The following ENTREP2 variants were observed in gnomAD, a reference collection of about 807,000 sequenced individuals.
ENTREP2 encodes protein ENTREP2.
At chr15:29,637,749 C>T in the ENTREP2 span, among the ~76,000 whole-genome samples, 1 of 152,108 alleles carries the variant, frequency 6.6e-6, no homozygotes, top group Non-Finnish European at 1.5e-5. Context: ...ATTACGGGAA[C>T]GAGACCTTGC....
chr15:29,493,191 T>C, the ENTREP2 span, among the ~76,000 whole-genome samples: 1 of 107,880 alleles, frequency 9.3e-6, no homozygotes, highest in Non-Finnish European at 1.8e-5. Flanking sequence ...TGGAGTGCAG[T>C]GGCGGGATCT....
chr15:29,121,779 C>G, the ENTREP2 span: 1 of 152,216 alleles, frequency 6.6e-6, no homozygotes, highest in African/African-American at 2.4e-5. Flanking sequence ...CCTTTTCAGC[C>G]GACCACAGCT....
the ENTREP2 span, among the ~76,000 whole-genome samples, chr15:29,412,085 T>TA: frequency 2.0e-5 from 3 of 152,174 alleles, no homozygotes; most frequent in Non-Finnish European, 4.4e-5. Context: ...AATTAGGTTG[T>TA]TAAGTCTTAC....
At chr15:29,574,681 C>T in the ENTREP2 span, among the ~76,000 whole-genome samples, 1 of 152,176 alleles carries the variant, frequency 6.6e-6, no homozygotes, top group Admixed American at 6.5e-5. Flanking sequence ...CATGGGGAGA[C>T]AAGGAACACT....
At chr15:29,641,474 ACAAGATCAATAT>A in the ENTREP2 span, among the ~76,000 whole-genome samples, 2 of 152,248 alleles carry the variant, frequency 1.3e-5, no homozygotes, top group Non-Finnish European at 2.9e-5. Context: ...GTTTCAGGAT[ACAAGATCAATAT>A]CAAAAAATCA....
At chr15:29,273,319 C>T in the ENTREP2 span, among the ~76,000 whole-genome samples, 2 of 151,746 alleles carry the variant, frequency 1.3e-5, no homozygotes, top group African/African-American at 4.9e-5. Flanking sequence ...ACATCTCAGC[C>T]TCCCGAGTAG....
chr15:29,214,717 G>A, the ENTREP2 span, among the ~76,000 whole-genome samples: 1 of 151,538 alleles, frequency 6.6e-6, no homozygotes, highest in African/African-American at 2.4e-5. Flanking sequence ...AAAAAAAAAG[G>A]AGCAAGTTAT....
chr15:29,268,363 G>C, the ENTREP2 span: 1 of 161,072 alleles, frequency 6.2e-6, no homozygotes, highest in African/African-American at 2.4e-5. Context: ...ACATAATAAG[G>C]ATATAGGCAA....
the ENTREP2 span, among the ~76,000 whole-genome samples, chr15:29,286,570 G>T: frequency 6.6e-6 from 1 of 152,110 alleles, no homozygotes; most frequent in Non-Finnish European, 1.5e-5. Context: ...GGAATGCGGC[G>T]GTAGTGACAC....
At chr15:29,206,687 T>C in the ENTREP2 span, among the ~76,000 whole-genome samples, 6 of 152,226 alleles carry the variant, frequency 3.9e-5, no homozygotes, top group East Asian at 1.9e-4. Context: ...GTATGTTTTT[T>C]TGAGGTGATG....
At chr15:29,568,841 C>A in the ENTREP2 span, among the ~76,000 whole-genome samples, 145 of 152,034 alleles carry the variant, frequency 9.5e-4, no homozygotes, top group African/African-American at 3.4e-3. Context: ...GGATGATGTG[C>A]ATTTTTCACA....
At chr15:29,193,824 C>T in the ENTREP2 span, among the ~76,000 whole-genome samples, 10 of 152,130 alleles carry the variant, frequency 6.6e-5, no homozygotes, top group African/African-American at 1.9e-4. Context: ...TAACAAAAAT[C>T]AAATTTCTAT....
chr15:29,663,282 G>T, the ENTREP2 span, among the ~76,000 whole-genome samples: 68 of 151,992 alleles, frequency 4.5e-4, 1 homozygote, highest in African/African-American at 1.6e-3. Flanking sequence ...CACTTTGGGA[G>T]GCCAAGGCGG....
the ENTREP2 span, among the ~76,000 whole-genome samples, chr15:29,226,202 A>C: frequency 6.6e-5 from 10 of 152,220 alleles, no homozygotes; most frequent in Admixed American, 6.5e-4. Context: ...ATGGACAGAT[A>C]GATATTTCTA....
At chr15:29,646,283 G>A in the ENTREP2 span, among the ~76,000 whole-genome samples, 1 of 152,154 alleles carries the variant, frequency 6.6e-6, no homozygotes, top group Non-Finnish European at 1.5e-5. Flanking sequence ...TCTGCTCAAG[G>A]TCTCACAAAG....
chr15:29,187,660 A>C, the ENTREP2 span, among the ~76,000 whole-genome samples: 9 of 152,196 alleles, frequency 5.9e-5, no homozygotes, highest in African/African-American at 1.9e-4. Context: ...CCAGTGGCCA[A>C]CCCAGACACA....
At chr15:29,193,094 G>A in the ENTREP2 span, among the ~76,000 whole-genome samples, 3 of 152,126 alleles carry the variant, frequency 2.0e-5, no homozygotes, top group East Asian at 1.9e-4. Context: ...TCTACGGGGC[G>A]GTCTAGTCAG....
the ENTREP2 span, among the ~76,000 whole-genome samples, chr15:29,392,730 C>T: frequency 6.6e-6 from 1 of 152,216 alleles, no homozygotes; most frequent in Non-Finnish European, 1.5e-5. Flanking sequence ...AATTTTGTAG[C>T]TAATATCTCT....
chr15:29,596,467 A>C, the ENTREP2 span, among the ~76,000 whole-genome samples: 1 of 152,046 alleles, frequency 6.6e-6, no homozygotes, highest in Admixed American at 6.6e-5. Context: ...TCATATCCCT[A>C]GGGGGCACAA....
Sources: gnomAD v4.1 joint callset for allele counts (sites outside exome capture counted in the v4.1 genomes callset) on GRCh38, gnomAD v4.1.1 for gene constraint, MANE v1.5 for transcripts, NCBI Gene and HGNC (gene_info 2026-07-23, HGNC 2026-07-21) for gene names.